The following SLC25A44 variants were observed in gnomAD, a reference collection of about 807,000 sequenced individuals.
The protein encoded by SLC25A44 is solute carrier family 25 member 44.
SLC25A44 carries 17 observed loss-of-function variants against 29.9 expected under a neutral mutation model. The observed-to-expected ratio is 0.57, with a 90% CI of 0.39 to 0.85. The LOEUF is 0.85. SLC25A44 is among the 40% of genes least tolerant of loss of function. The pLI, the probability that SLC25A44 is intolerant of heterozygous loss-of-function variation, is 0.00. For missense variants in SLC25A44, 302 were observed against 398.4 expected (o/e 0.76, Z 2.06); for synonymous variants, 140 against 151.8 (o/e 0.92, Z 0.57).
chr1:156,201,443 C>T (rs115676496), intron 2 of SLC25A44, among the ~76,000 whole-genome samples: 1,806 of 152,284 alleles, frequency 0.012, 16 homozygotes, highest in Non-Finnish European at 0.017. Context: ...CTGCTGTTGG[C>T]TCCCAACCCT....
At chr1:156,195,484 C>A (rs565873020) in intron 1 of SLC25A44, among the ~76,000 whole-genome samples, 2 of 152,320 alleles carry the variant, frequency 1.3e-5, no homozygotes, top group South Asian at 4.1e-4. Flanking sequence ...CATCCTCCGT[C>A]CCCCGCAGGG....
intron 2 of SLC25A44, among the ~76,000 whole-genome samples, chr1:156,203,065 G>C (rs531967771): frequency 1.3e-5 from 2 of 152,254 alleles, no homozygotes; most frequent in Admixed American, 6.5e-5. Flanking sequence ...TCCTTTCCAT[G>C]GTCTATACAT....
At chr1:156,201,633 CCTCTT>C in intron 2 of SLC25A44, among the ~76,000 whole-genome samples, 1 of 152,076 alleles carries the variant, frequency 6.6e-6, no homozygotes, top group Middle Eastern at 3.4e-3. Context: ...TCTTCCTCCT[CCTCTT>C]CTTCTTTTGT....
intron 1 of SLC25A44, among the ~76,000 whole-genome samples, chr1:156,195,686 ACTTGGTTCCAGT>A (rs1656173070): frequency 6.6e-6 from 1 of 152,214 alleles, no homozygotes; most frequent in Non-Finnish European, 1.5e-5. Context: ...CAGTGAAGTG[ACTTGGTTCCAGT>A]CTTACACTAC....
chr1:156,204,326 C>T (rs143550861), intron 2 of SLC25A44, among the ~76,000 whole-genome samples: 159 of 152,146 alleles, frequency 1.0e-3, no homozygotes, highest in Non-Finnish European at 7.9e-4. Context: ...GTTATTTCTA[C>T]CACTTTCTTG....
chr1:156,212,767 T>C lies in SLC25A44; in HGVS notation c.*2336T>C. On this transcript the variant is annotated 3_prime_UTR_variant, in exon 4 of 4. Transcript: ENST00000359511. ...GTTGCACTGTACGAAGTCTCTGAAA[T>C]GTAATTAAAAGTTTTTATTGAGCCC... The C allele has an allele frequency of 1.9e-6, 1 of 538,890 alleles. No individual in the cohort carries two copies. The highest frequency in any genetic ancestry group is 3.2e-5 in the Admixed American group (1 of 31,726). 33.4% of individuals were successfully genotyped at this position (538,890 alleles called of 1,614,324 possible).
intron 3 of SLC25A44, among the ~76,000 whole-genome samples, chr1:156,208,850 T>TA (rs762928421): frequency 1.1e-4 from 17 of 152,228 alleles, no homozygotes; most frequent in Admixed American, 2.6e-4. Context: ...TCAGTCAGCT[T>TA]AAAGACAGTT....
chr1:156,212,415 A>G lies in SLC25A44; in HGVS notation c.*1984A>G, dbSNP rs2103061997. ...GTTTTGTTGTCTTGTGCAGTATTTTACAGCCCCTCTTGTGTTTTTCTTTAT... is the reference window on the plus strand; with the variant it reads ...GTTTTGTTGTCTTGTGCAGTATTTTGCAGCCCCTCTTGTGTTTTTCTTTAT... On this transcript the variant is annotated 3_prime_UTR_variant, in exon 4 of 4. Coordinates refer to ENST00000359511, the MANE Select transcript of SLC25A44 (RefSeq NM_014655.4). 6.6e-6 allele frequency: 1 copy of G among 152,584 alleles called. No homozygotes were observed. The allele number at this position is 152,584 out of a possible 1,614,324, so 9.5% of individuals were successfully genotyped here. A position where few individuals can be genotyped will look rare whatever the true frequency, so the allele number is the denominator to read the frequency against.
At chr1:156,201,980 C>G (rs564590662) in intron 2 of SLC25A44, among the ~76,000 whole-genome samples, 195 of 152,332 alleles carry the variant, frequency 1.3e-3, no homozygotes, top group Non-Finnish European at 2.3e-3. Context: ...ACTTCTCCAT[C>G]TACATGCATC....
intron 2 of SLC25A44, among the ~76,000 whole-genome samples, chr1:156,205,560 G>A (rs1375300286): frequency 6.6e-6 from 1 of 152,086 alleles, no homozygotes; most frequent in Non-Finnish European, 1.5e-5. Context: ...GATCCATGTG[G>A]CTTGCACTGT....
At position 156,211,730 on chromosome 1, in the gene SLC25A44, T is replaced by C. The variant is rs367552853; in HGVS notation, c.*1299T>C. ...TCAGGAGCTAGGAGAGGAGTGCTCC[T>C]TCCTCCCTACCGCTACTCTCCCCAA... On this transcript the variant is annotated 3_prime_UTR_variant, in exon 4 of 4. Coordinates refer to ENST00000359511, the MANE Select transcript of SLC25A44 (RefSeq NM_014655.4). 1.5e-4 allele frequency: 23 copies of C among 152,840 alleles called. No individual in the cohort carries two copies. The East Asian group carries it at 2.6e-3, about 18-fold the overall frequency. 9.5% of individuals were successfully genotyped at this position (152,840 alleles called of 1,614,324 possible). A position where few individuals can be genotyped will look rare whatever the true frequency, so the allele number is the denominator to read the frequency against.
chr1:156,209,949 G>A (rs1403741763), intron 3 of SLC25A44, among the ~76,000 whole-genome samples: 1 of 151,858 alleles, frequency 6.6e-6, no homozygotes, highest in South Asian at 2.1e-4. Flanking sequence ...TAACAACCTC[G>A]TGGTGCAGGT....
Position 156,200,059 on chromosome 1 carries a change from C to T in SLC25A44, c.212C>T (p.Thr71Ile). 2 of 1,614,184 alleles carry T rather than the reference C, an allele frequency of 1.2e-6. No homozygotes were observed. The highest frequency in any genetic ancestry group is 1.7e-6 in the Non-Finnish European group (2 of 1,180,014). Residue 71 changes from threonine (T) to isoleucine (I), a missense_variant, in exon 2 of 4, where the codon ACT (threonine) becomes ATT (isoleucine). Transcript: ENST00000359511. ...AAGATCCTGCGAGCAGATGGTATCA[C>T]TGGCCTCTACCGAGGGTTCCTGGTC... ...FIKILRADGI[T>I]GLYRGFLVNT...
intron 2 of SLC25A44, among the ~76,000 whole-genome samples, chr1:156,206,686 C>T (rs1482351799): frequency 1.3e-5 from 2 of 152,088 alleles, no homozygotes; most frequent in East Asian, 1.9e-4. Context: ...GCCCGCACCA[C>T]CATGCCCGGC....
chr1:156,200,687 A>G (rs996242086), intron 2 of SLC25A44, among the ~76,000 whole-genome samples: 21 of 152,176 alleles, frequency 1.4e-4, no homozygotes, highest in Admixed American at 1.0e-3. Context: ...GCAGACAGGT[A>G]TAAAGGCTAG....
At chr1:156,197,235 C>T (rs1394940015) in intron 1 of SLC25A44, 1 of 152,240 alleles carries the variant, frequency 6.6e-6, no homozygotes, top group Non-Finnish European at 1.5e-5. Flanking sequence ...TATTGCCCCA[C>T]AGGGCTTAGT....
rs1656328363 is a variant in SLC25A44, at chr1:156,198,070, C to T, written c.-13-1765C>T. ...TAGATGCTTGGCATGAGGTTTGCTA[C>T]TGGAACTGCTAGTGTAGAATGTTTC... On this transcript the variant is annotated intron_variant, in intron 1 of 3. Transcript: ENST00000359511. The surrounding 1 kb of genome is among the most constrained non-coding windows in gnomAD (Gnocchi z 4.1). 1 of 152,194 alleles carries T rather than the reference C, an allele frequency of 6.6e-6. No homozygotes were observed. Among genetic ancestry groups the T allele is most frequent in the Admixed American group, 6.5e-5 (1 of 15,274 alleles). 9.4% of individuals were successfully genotyped at this position (152,194 alleles called of 1,614,324 possible).
Position 156,200,071 on chromosome 1 carries a change from G to A in SLC25A44, c.224G>A (p.Arg75Gln), listed in dbSNP as rs140707188. 9.7e-4 allele frequency: 1,565 copies of A among 1,614,110 alleles called. 2 individuals are homozygous for A. The highest frequency in any genetic ancestry group is 1.3e-3 in the Non-Finnish European group (1,480 of 1,180,014). The part of the protein sequence containing the change: ...LRADGITGLY[R>Q]GFLVNTFTLI... ...GCAGATGGTATCACTGGCCTCTACC[G>A]AGGGTTCCTGGTCAATACCTTCACC... The change falls in exon 2 of 4, where the codon CGA becomes CAA. Residue 75 changes from arginine to glutamine, a missense_variant. Coordinates refer to ENST00000359511, the MANE Select transcript of SLC25A44 (RefSeq NM_014655.4).
intron 1 of SLC25A44, chr1:156,197,028 A>C (rs541329366): frequency 2.6e-5 from 4 of 152,310 alleles, no homozygotes; most frequent in African/African-American, 9.6e-5. Context: ...CTGACCCTCC[A>C]TTTCCTCATT....
Sources: allele counts gnomAD v4.1 joint callset (sites outside exome capture counted in the v4.1 genomes callset), GRCh38; gene constraint gnomAD v4.1.1; non-coding constraint Gnocchi (gnomAD v3.1); transcripts MANE v1.5; gene names NCBI Gene and HGNC (gene_info 2026-07-23, HGNC 2026-07-21).